MDFIC2: variants seen among roughly 807,000 people sequenced by gnomAD.
MDFIC2 encodes myoD family inhibitor domain-containing protein 2.
chr3:70,244,301 C>T (rs1223082578), intron 2 of MDFIC2, among the ~76,000 whole-genome samples: 2 of 152,228 alleles, frequency 1.3e-5, no homozygotes, highest in Non-Finnish European at 2.9e-5. Flanking sequence ...CTGCCGACCA[C>T]TGCAGTGTAG....
chr3:70,233,458 G>A (rs747154086), intron 2 of MDFIC2, among the ~76,000 whole-genome samples: 10 of 152,116 alleles, frequency 6.6e-5, no homozygotes, highest in East Asian at 5.8e-4. Context: ...TTCCCTTTTC[G>A]TTGTTTGCTG....
intron 2 of MDFIC2, among the ~76,000 whole-genome samples, chr3:70,259,372 G>C (rs1445410255): frequency 2.6e-5 from 4 of 151,280 alleles, no homozygotes; most frequent in African/African-American, 7.3e-5. Flanking sequence ...GACAGTGGAA[G>C]AAATCACAAC....
intron 2 of MDFIC2, among the ~76,000 whole-genome samples, chr3:70,229,177 G>A (rs1262509075): frequency 6.6e-6 from 1 of 152,110 alleles, no homozygotes; most frequent in East Asian, 1.9e-4. Context: ...TTAGTTATCA[G>A]CATCTTACAC....
At position 70,195,274 on chromosome 3, in the gene MDFIC2, A is replaced by C. The variant is rs1055943693; in HGVS notation, c.*1652T>G. On this transcript the variant is annotated 3_prime_UTR_variant, in exon 4 of 4. Coordinates refer to ENST00000567252, the MANE Select transcript of MDFIC2 (RefSeq NM_001364677.1). Reference sequence around the variant, plus strand: ...CATTGAGTATAGAGCTGTTTCTTCGAGCTTCTGAAAAGCAGAAAGACTTTT... The same window carrying C: ...CATTGAGTATAGAGCTGTTTCTTCGCGCTTCTGAAAAGCAGAAAGACTTTT... Among the ~76,000 whole-genome samples the C allele has an allele frequency of 1.3e-5, 2 of 152,006 alleles. No homozygotes were observed. The highest frequency in any genetic ancestry group is 4.8e-5 in the African/African-American group (2 of 41,382).
chr3:70,309,690 A>G (rs1213557674), intron 2 of MDFIC2, among the ~76,000 whole-genome samples: 1 of 152,202 alleles, frequency 6.6e-6, no homozygotes, highest in Non-Finnish European at 1.5e-5. Context: ...TTGAAAAAAA[A>G]GACATTTATG....
rs529631946 is a variant in MDFIC2, at chr3:70,195,003, G to C, written c.*1923C>G. On this transcript the variant is annotated 3_prime_UTR_variant, in exon 4 of 4. Transcript: ENST00000567252. Reference sequence around the variant, plus strand: ...GTAGTGTTTTAGTATTTTAACAATTGTAACACCTGCACCACTGAGTACCAG... The same window carrying C: ...GTAGTGTTTTAGTATTTTAACAATTCTAACACCTGCACCACTGAGTACCAG... Among the ~76,000 whole-genome samples the C allele has an allele frequency of 2.6e-5, 4 of 152,218 alleles. No homozygotes were observed. In the South Asian group the frequency reaches 8.3e-4, roughly 32 times the overall value.
chr3:70,301,957 T>A (rs1390095435), intron 2 of MDFIC2, among the ~76,000 whole-genome samples: 1 of 152,140 alleles, frequency 6.6e-6, no homozygotes, highest in African/African-American at 2.4e-5. Flanking sequence ...TTAGAAATCA[T>A]GAAGCACTTT....
In MDFIC2 at chr3:70,231,732, G is replaced by A. The variant is rs2106745049; in HGVS notation, c.89-24942C>T. Among the ~76,000 whole-genome samples, 2 of 152,142 alleles carry A rather than the reference G, an allele frequency of 1.3e-5. 1 individual carries two copies. The highest frequency in any genetic ancestry group is 3.9e-4 in the East Asian group (2 of 5,170). ...ACACGGAGAGAAGAAATGGGACAAG[G>A]AGAGAAGAAATGGGACAAAAGCCAG... is the stretch of plus-strand genomic sequence containing the variant. On this transcript the variant is annotated intron_variant, in intron 2 of 3. Coordinates refer to ENST00000567252, the MANE Select transcript of MDFIC2 (RefSeq NM_001364677.1).
At chr3:70,228,946 CAAGAGCA>C (rs1456990216) in intron 2 of MDFIC2, among the ~76,000 whole-genome samples, 5 of 151,956 alleles carry the variant, frequency 3.3e-5, no homozygotes, top group African/African-American at 1.2e-4. Context: ...GCTTCTAGTC[CAAGAGCA>C]GAGTCCAGTG....
At chr3:70,236,213 G>T (rs1701607490) in intron 2 of MDFIC2, among the ~76,000 whole-genome samples, 1 of 152,070 alleles carries the variant, frequency 6.6e-6, no homozygotes, top group African/African-American at 2.4e-5. Flanking sequence ...GGCCCCTTGT[G>T]ATCTACAGAT....
intron 2 of MDFIC2, among the ~76,000 whole-genome samples, chr3:70,220,054 C>G (rs1701448517): frequency 6.6e-6 from 1 of 151,898 alleles, no homozygotes; most frequent in South Asian, 2.1e-4. Flanking sequence ...TTTCAAGTAC[C>G]CAGGCAAGGA....
chr3:70,286,369 A>G (rs2106687466), intron 2 of MDFIC2, among the ~76,000 whole-genome samples: 1 of 152,172 alleles, frequency 6.6e-6, no homozygotes, highest in African/African-American at 2.4e-5. Context: ...AGATAGTTGT[A>G]GATATGTGGC....
intron 2 of MDFIC2, among the ~76,000 whole-genome samples, chr3:70,225,827 T>C (rs952970701): frequency 4.6e-5 from 7 of 152,208 alleles, no homozygotes; most frequent in Non-Finnish European, 1.5e-5. Flanking sequence ...GTTGAAATAA[T>C]GTTATAATGA....
At chr3:70,282,805 T>C (rs1450158016) in intron 2 of MDFIC2, among the ~76,000 whole-genome samples, 2 of 152,192 alleles carry the variant, frequency 1.3e-5, no homozygotes, top group Admixed American at 6.5e-5. Flanking sequence ...TATCTATGAC[T>C]GTTTGGTTTA....
chr3:70,270,331 G>T (rs1480956666), intron 2 of MDFIC2, among the ~76,000 whole-genome samples: 1 of 152,114 alleles, frequency 6.6e-6, no homozygotes, highest in Non-Finnish European at 1.5e-5. Flanking sequence ...TCCAAAAATA[G>T]ATGTACAAAG....
chr3:70,199,826 C>T (rs939753749), intron 3 of MDFIC2, among the ~76,000 whole-genome samples: 4 of 152,154 alleles, frequency 2.6e-5, no homozygotes, highest in Non-Finnish European at 5.9e-5. Flanking sequence ...ATTCGCACCC[C>T]TTCTCTCAGC....
chr3:70,274,433 T>G (rs1702003025), intron 2 of MDFIC2, among the ~76,000 whole-genome samples: 1 of 151,060 alleles, frequency 6.6e-6, no homozygotes, highest in Admixed American at 6.6e-5. Context: ...ACATTGTTCA[T>G]CAACTCAGTG....
intron 2 of MDFIC2, among the ~76,000 whole-genome samples, chr3:70,298,703 T>C (rs1205291330): frequency 6.6e-6 from 1 of 152,052 alleles, no homozygotes; most frequent in Non-Finnish European, 1.5e-5. Context: ...GCCCAAACTT[T>C]TCCAGTCTTC....
At chr3:70,205,318 C>T (rs535477519) in intron 3 of MDFIC2, 1 of 152,134 alleles carries the variant, frequency 6.6e-6, no homozygotes, top group South Asian at 2.1e-4. Context: ...ATAGTCCTCA[C>T]CAATCCCTGT....
Sources: allele counts gnomAD v4.1 joint callset (sites outside exome capture counted in the v4.1 genomes callset), GRCh38; gene constraint gnomAD v4.1.1; transcripts MANE v1.5; gene names NCBI Gene and HGNC (gene_info 2026-07-23, HGNC 2026-07-21).